ARK2C: variants seen among roughly 807,000 people sequenced by gnomAD.
ARK2C encodes the protein arkadia (RNF111) C-terminal like ring finger ubiquitin ligase 2C.
the ARK2C span, among the ~76,000 whole-genome samples, chr18:46,373,590 T>C: frequency 6.6e-6 from 1 of 152,206 alleles, no homozygotes; most frequent in South Asian, 2.1e-4. Flanking sequence ...CTGAGGGCTT[T>C]ATAGATCCCC....
the ARK2C span, among the ~76,000 whole-genome samples, chr18:46,404,146 A>G: frequency 2.0e-5 from 3 of 152,214 alleles, no homozygotes; most frequent in African/African-American, 7.2e-5. Context: ...AATATGATTT[A>G]CGGTCTAAAA....
At chr18:46,340,546 T>C in the ARK2C span, among the ~76,000 whole-genome samples, 1 of 152,234 alleles carries the variant, frequency 6.6e-6, no homozygotes, top group Admixed American at 6.5e-5. Context: ...AGATACTGTC[T>C]AAGATGTTCT....
chr18:46,381,911 T>A, the ARK2C span, among the ~76,000 whole-genome samples: 16 of 152,026 alleles, frequency 1.1e-4, no homozygotes, highest in African/African-American at 3.9e-4. Context: ...TTTGGAGAGA[T>A]GTGCGACTCC....
At chr18:46,446,670 C>CAAA in the ARK2C span, among the ~76,000 whole-genome samples, 33 of 34,306 alleles carry the variant, frequency 9.6e-4, no homozygotes, top group South Asian at 1.6e-3. Context: ...GACTCCATCT[C>CAAA]AAAAAAAAAA....
At chr18:46,334,439 G>A in the ARK2C span, 19 of 965,116 alleles carry the variant, frequency 2.0e-5, no homozygotes, top group Non-Finnish European at 2.7e-5. This position sits in a 1 kb window ranked among gnomAD's most constrained non-coding sequence, Gnocchi z 4.4. Flanking sequence ...GCACACCCGC[G>A]AGGACGCAGG....
At chr18:46,350,528 G>A in the ARK2C span, among the ~76,000 whole-genome samples, 6 of 152,138 alleles carry the variant, frequency 3.9e-5, no homozygotes, top group Non-Finnish European at 5.9e-5. Flanking sequence ...GGTCAGGAGC[G>A]CCCCCAACCC....
chr18:46,443,438 TC>T, the ARK2C span, among the ~76,000 whole-genome samples: 1 of 152,236 alleles, frequency 6.6e-6, no homozygotes, highest in Non-Finnish European at 1.5e-5. Context: ...ACAGCATACT[TC>T]CATTACCCCT....
At chr18:46,347,786 C>T in the ARK2C span, among the ~76,000 whole-genome samples, 2 of 152,116 alleles carry the variant, frequency 1.3e-5, no homozygotes, top group African/African-American at 2.4e-5. Context: ...GGAAACTGAG[C>T]CTCAGTGTTC....
the ARK2C span, among the ~76,000 whole-genome samples, chr18:46,439,913 C>G: frequency 6.6e-6 from 1 of 152,308 alleles, no homozygotes; most frequent in East Asian, 1.9e-4. Flanking sequence ...TCACTGTAAA[C>G]TCTGCTTCCC....
the ARK2C span, among the ~76,000 whole-genome samples, chr18:46,366,560 G>A: frequency 6.6e-6 from 1 of 152,176 alleles, no homozygotes; most frequent in Admixed American, 6.6e-5. Context: ...TTAGTAAATG[G>A]CAGTGCCTAG....
the ARK2C span, chr18:46,459,407 C>A: frequency 6.6e-6 from 1 of 152,244 alleles, no homozygotes; most frequent in Non-Finnish European, 1.5e-5. Flanking sequence ...TGTGCGCCCA[C>A]CCAGCTATTG....
the ARK2C span, among the ~76,000 whole-genome samples, chr18:46,410,639 A>G: frequency 6.6e-6 from 1 of 152,216 alleles, no homozygotes; most frequent in Admixed American, 6.5e-5. Flanking sequence ...ACTCAAATCT[A>G]TCACCAATAA....
At chr18:46,435,844 G>A in the ARK2C span, among the ~76,000 whole-genome samples, 8 of 152,194 alleles carry the variant, frequency 5.3e-5, no homozygotes, top group African/African-American at 1.9e-4. Flanking sequence ...TGCTGGGTGG[G>A]GTGGCTGTGT....
At chr18:46,363,527 T>G in the ARK2C span, among the ~76,000 whole-genome samples, 1 of 152,212 alleles carries the variant, frequency 6.6e-6, no homozygotes, top group African/African-American at 2.4e-5. Flanking sequence ...ATGCACCCTG[T>G]GGTCTCTGGA....
chr18:46,430,796 G>A, the ARK2C span, among the ~76,000 whole-genome samples: 11 of 152,184 alleles, frequency 7.2e-5, no homozygotes, highest in East Asian at 2.1e-3. Context: ...GCTTCCTGTT[G>A]TTGCATGGAT....
chr18:46,451,481 T>A, the ARK2C span, among the ~76,000 whole-genome samples: 1 of 152,224 alleles, frequency 6.6e-6, no homozygotes, highest in African/African-American at 2.4e-5. Context: ...ATCCAGATAA[T>A]GGAATATTAT....
At chr18:46,382,907 C>G in the ARK2C span, among the ~76,000 whole-genome samples, 1 of 152,244 alleles carries the variant, frequency 6.6e-6, no homozygotes, top group African/African-American at 2.4e-5. Context: ...CAAACACCAC[C>G]ATGAGCTCAT....
At chr18:46,373,473 G>A in the ARK2C span, among the ~76,000 whole-genome samples, 2 of 152,244 alleles carry the variant, frequency 1.3e-5, no homozygotes, top group African/African-American at 4.8e-5. Flanking sequence ...GGAAGGACTG[G>A]CCTGCCTGGG....
At chr18:46,414,611 A>G in the ARK2C span, among the ~76,000 whole-genome samples, 1 of 152,242 alleles carries the variant, frequency 6.6e-6, no homozygotes, top group Admixed American at 6.5e-5. Flanking sequence ...TACACCATGC[A>G]CACACACATG....
Sources: gnomAD v4.1 joint callset for allele counts (sites outside exome capture counted in the v4.1 genomes callset) on GRCh38, gnomAD v4.1.1 for gene constraint, Gnocchi (gnomAD v3.1) non-coding constraint, MANE v1.5 for transcripts, NCBI Gene and HGNC (gene_info 2026-07-23, HGNC 2026-07-21) for gene names.